Variants in TMC5 observed in about 807,000 individuals in gnomAD.
The protein encoded by TMC5 is transmembrane channel-like protein 5.
A neutral mutation model predicts 110.5 loss-of-function variants in TMC5; 86 were observed. The observed-to-expected ratio is 0.78, with a 90% CI of 0.65 to 0.93. The LOEUF (loss-of-function observed/expected upper bound fraction) is 0.93, where lower values mean the gene tolerates loss of function less well. Ranked by LOEUF, TMC5 falls within the 40% of genes least tolerant of loss-of-function variation. The probability of loss-of-function intolerance (pLI) is 0.00; values close to 1 mark genes in which losing one functional copy is unlikely to be tolerated. For missense variants in TMC5, 1,144 were observed against 1,222.8 expected, an observed-to-expected ratio of 0.94 and a Z score of 0.96; for synonymous variants, 455 against 439.5, an observed-to-expected ratio of 1.04 and a Z score of -0.44.
At chr16:19,438,292 T>G (rs1597169429) in intron 2 of TMC5, among the ~76,000 whole-genome samples, 1 of 144,224 alleles carries the variant, frequency 6.9e-6, no homozygotes, top group African/African-American at 2.6e-5. Context: ...CTCAGGAGGC[T>G]GAGATGGGAG....
At chr16:19,487,701 C>CAATAAATAAATAAATAAATA (rs201239101) in intron 17 of TMC5, 6 of 127,838 alleles carry the variant, frequency 4.7e-5, no homozygotes, top group African/African-American at 1.2e-4. Flanking sequence ...GACTCTGTCT[C>CAATAAATAAATAAATAAATA]AATAAATAAA....
chr16:19,497,802 AG>A (rs1211852865), intron 21 of TMC5, 117 bp from the exon 22 acceptor site: 2 of 832,428 alleles, frequency 2.4e-6, no homozygotes, highest in Non-Finnish European at 3.8e-6. Flanking sequence ...AGAAACTAAA[AG>A]GAAGAGGCAA....
rs769097072 is a variant in TMC5 at position 19,440,400 on chromosome 16, C to T, written c.362C>T (p.Ala121Val). ...TTTCAGAGTCATCCCTACCACCGAGCATCATCCAGACAACCAGACTACCCT... is the reference window on the plus strand; with the variant it reads ...TTTCAGAGTCATCCCTACCACCGAGTATCATCCAGACAACCAGACTACCCT... Reference protein sequence around the residue: ...SEFQSHPYHRASSRQPDYPGS... With the variant: ...SEFQSHPYHRVSSRQPDYPGS... The change falls in exon 3 of 22, where the codon GCA becomes GTA. Residue 121 changes from alanine (A) to valine (V), a missense_variant. Ala to Val is a moderately conservative substitution (Grantham distance 64). Transcript: ENST00000542583. 6.9e-5 allele frequency: 111 copies of T among 1,613,990 alleles called. 1 individual carries two copies. The highest frequency in any genetic ancestry group is 8.2e-5 in the Non-Finnish European group (97 of 1,180,046).
At chr16:19,467,161 A>C (rs113558140) in intron 9 of TMC5, among the ~76,000 whole-genome samples, 1 of 150,284 alleles carries the variant, frequency 6.7e-6, no homozygotes, top group African/African-American at 2.5e-5. Flanking sequence ...AAGAGAGAGA[A>C]AGAAAGAAAA....
chr16:19,424,074 A>G (rs1312889826), intron 1 of TMC5, among the ~76,000 whole-genome samples: 2 of 152,098 alleles, frequency 1.3e-5, no homozygotes, highest in Admixed American at 6.6e-5. Context: ...ATTGAATTCT[A>G]ACATAATGTG....
At chr16:19,435,371 G>A (rs886986350) in intron 2 of TMC5, among the ~76,000 whole-genome samples, 7 of 151,566 alleles carry the variant, frequency 4.6e-5, no homozygotes, top group South Asian at 2.1e-4. Context: ...GCATGGTGGC[G>A]GGCACCTGTA....
At position 19,472,089 on chromosome 16, in the gene TMC5, A is replaced by T. The variant is rs761147236; in HGVS notation, c.1784A>T (p.Glu595Val). Residue 595 changes from glutamate (E) to valine (V), a missense_variant and splice_region_variant, in exon 11 of 22, where the codon GAG becomes GTG. Transcript: ENST00000542583. ...KQKNLSTEIR[E>V]NLSELRQENS... ...AACTTGACTTTCTTATGTTTCTAGG[A>T]GAACCTGTCAGAGCTCCGTCAGGAG... is the stretch of plus-strand genomic sequence containing the variant. The T allele has an allele frequency of 4.3e-6, 7 of 1,613,678 alleles. No individual in the cohort carries two copies. The South Asian group carries it at 6.6e-5, about 15-fold the overall frequency.
chr16:19,414,841 T>A (rs1293918479), upstream of TMC5, among the ~76,000 whole-genome samples: 1 of 151,154 alleles, frequency 6.6e-6, no homozygotes, highest in East Asian at 1.9e-4. Flanking sequence ...AGGCCAGGAG[T>A]TCGAGACCAG....
chr16:19,440,057 A>G lies in TMC5; in HGVS notation c.19A>G (p.Asn7Asp), dbSNP rs1374478658. The change falls in exon 3 of 22, where the codon AAT becomes GAT. Residue 7 changes from asparagine (N) to aspartate (D), a missense_variant. Transcript: ENST00000542583. MSAYYR[N>D]NWSEEDPDYP... ...TACCAACATGTCTGCCTACTACAGG[A>G]ATAACTGGTCTGAGGAAGACCCAGA... 6.2e-7 allele frequency: 1 copy of G among 1,613,660 alleles called. No individual in the cohort carries two copies. Among genetic ancestry groups the G allele is most frequent in the South Asian group, 1.1e-5 (1 of 91,044 alleles).
intron 17 of TMC5, among the ~76,000 whole-genome samples, chr16:19,488,624 C>T (rs1034866439): frequency 3.3e-5 from 5 of 152,028 alleles, no homozygotes; most frequent in Non-Finnish European, 5.9e-5. Flanking sequence ...TGCTTGGCTG[C>T]CTCCTCTCCA....
At position 19,492,166 on chromosome 16, in the gene TMC5, T is replaced by C. The variant is rs765880306; in HGVS notation, c.2764T>C (p.Tyr922His). 33 of 1,612,866 alleles carry C rather than the reference T, an allele frequency of 2.0e-5. No individual in the cohort carries two copies. The highest frequency in any genetic ancestry group is 2.3e-5 in the Non-Finnish European group (27 of 1,179,102). Residue 922 changes from tyrosine (Y) to histidine (H), a missense_variant, in exon 19 of 22, where the codon TAC becomes CAC. Transcript: ENST00000542583. ...CTCTTCCAGAATCATCACCTATCTTTACTGGCAGATCACAGAGGGAAGGAA... is the reference window on the plus strand; with the variant it reads ...CTCTTCCAGAATCATCACCTATCTTCACTGGCAGATCACAGAGGGAAGGAA... The part of the protein sequence containing the change: ...TLIVLIITYL[Y>H]WQITEGRKIM...
chr16:19,442,766 G>A (rs1489059359), intron 3 of TMC5, among the ~76,000 whole-genome samples: 1 of 152,162 alleles, frequency 6.6e-6, no homozygotes, highest in African/African-American at 2.4e-5. Context: ...AAAAACTGGT[G>A]GCTTGTATTT....
chr16:19,431,269 G>A (rs935516547), intron 2 of TMC5, among the ~76,000 whole-genome samples: 35 of 152,180 alleles, frequency 2.3e-4, no homozygotes, highest in African/African-American at 7.5e-4. Context: ...GGCCGGGCGC[G>A]GTGGCTCACA....
At chr16:19,497,831 A>G in intron 21 of TMC5, 89 bp from the exon 22 acceptor site, 1 of 1,187,762 alleles carries the variant, frequency 8.4e-7, no homozygotes, top group Admixed American at 2.1e-5. Context: ...ATGAGAAGCT[A>G]TGGAATCTTG....
chr16:19,462,950 C>T (rs1486240642), intron 6 of TMC5, among the ~76,000 whole-genome samples: 1 of 151,876 alleles, frequency 6.6e-6, no homozygotes, highest in Non-Finnish European at 1.5e-5. Flanking sequence ...CGTTCAGTTG[C>T]CCAGGCTGGA....
chr16:19,458,449 G>A (rs1272893334), intron 5 of TMC5, among the ~76,000 whole-genome samples: 1 of 152,102 alleles, frequency 6.6e-6, no homozygotes, highest in Non-Finnish European at 1.5e-5. Flanking sequence ...CCGACCTCAG[G>A]TGATCTGCCT....
In TMC5 at chr16:19,463,989, C is replaced by T. The variant is rs754842880; in HGVS notation, c.1450C>T (p.Leu484Phe). ...GTTTACCGTGGCCAAAAAGAACACC[C>T]TCCAGTTCACTGGGCTGGAGTTTTT... ...PQFTVAKKNT[L>F]QFTGLEFFTG... Residue 484 changes from leucine (L) to phenylalanine (F), a missense_variant, in exon 8 of 22, where the codon CTC (leucine) becomes TTC (phenylalanine). Physicochemically the swap from Leu to Phe is conservative, Grantham distance 22. Coordinates refer to ENST00000542583, the MANE Select transcript of TMC5 (RefSeq NM_001261841.2). The T allele has an allele frequency of 3.1e-6, 5 of 1,614,072 alleles. No individual in the cohort carries two copies.
intron 3 of TMC5, among the ~76,000 whole-genome samples, chr16:19,443,413 A>G (rs1967534692): frequency 6.6e-6 from 1 of 152,076 alleles, no homozygotes; most frequent in African/African-American, 2.4e-5. Flanking sequence ...GCTCAGATGT[A>G]TCTTTTCCAT....
rs1192722049 is a variant in TMC5 at position 19,453,424 on chromosome 16, G to A, written c.1048+3793G>A. On this transcript the variant is annotated intron_variant, in intron 5 of 21. Transcript: ENST00000542583. ...CCCAACATGGTGAAACTCCGTCTCT[G>A]CTAAAAATACAAAAGTTAGCTGGGC... Among the ~76,000 whole-genome samples, 6 of 151,938 alleles carry A rather than the reference G, an allele frequency of 3.9e-5. No homozygotes were observed. The South Asian group carries it at 1.2e-3, about 32-fold the overall frequency.
Sources: gnomAD v4.1 joint callset for allele counts (sites outside exome capture counted in the v4.1 genomes callset) on GRCh38, gnomAD v4.1.1 for gene constraint, MANE v1.5 for transcripts, NCBI Gene and HGNC (gene_info 2026-07-23, HGNC 2026-07-21) for gene names.